GATB: variants seen among roughly 807,000 people sequenced by gnomAD.
The protein encoded by GATB is glutamyl-tRNA amidotransferase subunit B.
Under a neutral mutation model 62.3 loss-of-function variants are expected in GATB, and 39 were observed. The ratio of observed to expected loss-of-function variants is 0.63; its 90% CI spans 0.48 to 0.82. The LOEUF is 0.82. Among genes scored for constraint, GATB ranks in the 40% least tolerant of loss-of-function variants. The pLI is 0.00. For synonymous variants in GATB, 276 were observed against 258.9 expected (o/e 1.07, Z -0.63); for missense variants, 670 against 684.0 (o/e 0.98, Z 0.23).
rs1318468243 is a variant in GATB at position 151,701,454 on chromosome 4, C to G, written c.1072G>C (p.Ala358Pro). 16 of 1,600,462 alleles carry G rather than the reference C, an allele frequency of 1.0e-5. No individual in the cohort carries two copies. In the Admixed American group the frequency reaches 2.4e-4, roughly 24 times the overall value. The change falls in exon 9 of 13, where the codon GCA becomes CCA. Residue 358 changes from alanine (A) to proline (P), a missense_variant. Transcript: ENST00000263985. ...LYDATSLPAG[A>P]DPQQVINIDQ... is the part of the protein sequence containing the mutation. ...ATATTGATCACTTGCTGTGGGTCTG[C>G]ACCTGCGGGCAGAGATGTGGCGTCG...
At chr4:151,753,773 A>AT (rs1739767547) in intron 2 of GATB, among the ~76,000 whole-genome samples, 1 of 151,268 alleles carries the variant, frequency 6.6e-6, no homozygotes, top group African/African-American at 2.4e-5. Flanking sequence ...TCAGCATTTA[A>AT]ACATTCCCAA....
intron 2 of GATB, among the ~76,000 whole-genome samples, chr4:151,729,035 C>CT (rs1282269229): frequency 6.6e-6 from 1 of 152,164 alleles, no homozygotes; most frequent in Non-Finnish European, 1.5e-5. Context: ...CTGGAAGAGT[C>CT]TATCAGGACA....
intron 6 of GATB, among the ~76,000 whole-genome samples, chr4:151,707,427 G>A (rs1340273726): frequency 6.6e-6 from 1 of 152,082 alleles, no homozygotes; most frequent in Non-Finnish European, 1.5e-5. Flanking sequence ...TTGAGTAGCT[G>A]GGACTACAGG....
chr4:151,734,469 T>C (rs939352899), intron 2 of GATB, among the ~76,000 whole-genome samples: 1 of 151,752 alleles, frequency 6.6e-6, no homozygotes, highest in African/African-American at 2.4e-5. Context: ...TAGAAACACA[T>C]CCCATGTTCA....
At chr4:151,733,666 T>C (rs1291747626) in intron 2 of GATB, among the ~76,000 whole-genome samples, 1 of 151,562 alleles carries the variant, frequency 6.6e-6, no homozygotes, top group African/African-American at 2.4e-5. Context: ...CAAAAAAGAA[T>C]ATATCCTCGA....
chr4:151,731,176 A>C (rs1338263571), intron 2 of GATB, among the ~76,000 whole-genome samples: 2 of 135,988 alleles, frequency 1.5e-5, no homozygotes, highest in Admixed American at 8.1e-5. Context: ...CCGAGGCTGG[A>C]CTATACTGCT....
At chr4:151,682,256 C>A (rs1324583584) in intron 10 of GATB, among the ~76,000 whole-genome samples, 1 of 152,182 alleles carries the variant, frequency 6.6e-6, no homozygotes, top group East Asian at 1.9e-4. Context: ...CTTCCTCACA[C>A]CCATAGGGAT....
chr4:151,701,454 C>T lies in GATB; in HGVS notation c.1072G>A (p.Ala358Thr). The change falls in exon 9 of 13, where the codon GCA becomes ACA. Residue 358 changes from alanine (A) to threonine (T), a missense_variant. Physicochemically the swap from Ala to Thr is moderately conservative, Grantham distance 58 (BLOSUM62 0). Coordinates refer to ENST00000263985, the MANE Select transcript of GATB (RefSeq NM_004564.3). ...LYDATSLPAGADPQQVINIDQ... is the reference protein window; with the variant it reads ...LYDATSLPAGTDPQQVINIDQ... The stretch of plus-strand genomic sequence containing the variant: ...ATATTGATCACTTGCTGTGGGTCTG[C>T]ACCTGCGGGCAGAGATGTGGCGTCG... The T allele has an allele frequency of 6.2e-7, 1 of 1,600,580 alleles. No homozygotes were observed.
intron 8 of GATB, among the ~76,000 whole-genome samples, chr4:151,702,479 C>T (rs764540554): frequency 1.6e-4 from 24 of 152,072 alleles, no homozygotes; most frequent in Non-Finnish European, 3.1e-4. Context: ...AAACAAGGAA[C>T]CCTAGTGTAA....
rs569806528 is a variant in GATB, at chr4:151,730,344, T to G, written c.328-10806A>C. 2.4e-4 allele frequency among the ~76,000 whole-genome samples: 37 copies of G among 152,272 alleles called. No homozygotes were observed. The highest frequency in any genetic ancestry group is 4.3e-4 in the Non-Finnish European group (29 of 68,016). On this transcript the variant is annotated intron_variant, in intron 2 of 12. Coordinates refer to ENST00000263985, the MANE Select transcript of GATB (RefSeq NM_004564.3). The surrounding 1 kb of genome is among the most constrained non-coding windows in gnomAD (Gnocchi z 4.1). ...CCTGATGGTCCTTCCCTACTCAACC[T>G]GGTAACAGAAGACGAAGGACATACA...
At chr4:151,680,376 C>A (rs2126956207) in intron 10 of GATB, among the ~76,000 whole-genome samples, 1 of 152,174 alleles carries the variant, frequency 6.6e-6, no homozygotes, top group East Asian at 1.9e-4. Flanking sequence ...CAAGGGAACA[C>A]AATGACTACC....
chr4:151,673,003 C>G, intron 11 of GATB, 107 bp from the exon 12 acceptor site: 1 of 1,367,414 alleles, frequency 7.3e-7, no homozygotes. Context: ...TGAGCAGATT[C>G]AATTAAGTCC....
At chr4:151,721,901 T>TCTGG (rs1739039579) in intron 2 of GATB, 1 of 424,752 alleles carries the variant, frequency 2.4e-6, no homozygotes, top group Admixed American at 4.2e-5. Context: ...GGGCACTTCA[T>TCTGG]AAACCACCAC....
chr4:151,675,355 G>C (rs1415514634), intron 11 of GATB: 1 of 152,504 alleles, frequency 6.6e-6, no homozygotes, highest in Non-Finnish European at 1.5e-5. Context: ...AATTAGTGCA[G>C]TGGCCATGAC....
At chr4:151,689,381 A>G (rs1226713313) in intron 9 of GATB, among the ~76,000 whole-genome samples, 1 of 152,106 alleles carries the variant, frequency 6.6e-6, no homozygotes, top group East Asian at 1.9e-4. Context: ...CCACTTAATA[A>G]CAGGTGGAGA....
At chr4:151,737,503 A>G (rs1739399360) in intron 2 of GATB, among the ~76,000 whole-genome samples, 1 of 152,240 alleles carries the variant, frequency 6.6e-6, no homozygotes, top group Admixed American at 6.5e-5. Context: ...AATGTGGTAG[A>G]AAAGAAAAAC....
intron 2 of GATB, among the ~76,000 whole-genome samples, chr4:151,754,734 A>G (rs1739790308): frequency 6.6e-6 from 1 of 152,244 alleles, no homozygotes; most frequent in Non-Finnish European, 1.5e-5. Context: ...AAAAAAGCTC[A>G]TAAGCCTTCT....
intron 9 of GATB, among the ~76,000 whole-genome samples, chr4:151,694,447 T>C (rs1738429284): frequency 6.6e-6 from 1 of 152,162 alleles, no homozygotes; most frequent in Non-Finnish European, 1.5e-5. Flanking sequence ...TTTACAGAAG[T>C]AGAGTTAGAT....
intron 8 of GATB, 48 bp downstream of exon 8, chr4:151,703,803 G>A (rs368022944): frequency 3.1e-5 from 39 of 1,259,246 alleles, no homozygotes; most frequent in Non-Finnish European, 4.0e-5. Flanking sequence ...CTTGAAATAC[G>A]CCCCAGCCCC....
Sources: allele counts gnomAD v4.1 joint callset (sites outside exome capture counted in the v4.1 genomes callset), GRCh38; gene constraint gnomAD v4.1.1; non-coding constraint Gnocchi (gnomAD v3.1); transcripts MANE v1.5; gene names NCBI Gene and HGNC (gene_info 2026-07-23, HGNC 2026-07-21).